CHD2: variants seen among roughly 807,000 people sequenced by gnomAD.
The protein encoded by CHD2 is chromodomain helicase DNA binding protein 2.
Under a neutral mutation model 243.9 loss-of-function variants are expected in CHD2, and 28 were observed. The observed-to-expected ratio is 0.11, with a 90% CI of 0.09 to 0.16. The LOEUF (loss-of-function observed/expected upper bound fraction) is 0.16. Among genes scored for constraint, CHD2 ranks in the 10% least tolerant of loss-of-function variants. CHD2 has a pLI of 1.00. For missense variants in CHD2, 1,386 were observed against 2,209.8 expected, an observed-to-expected ratio of 0.63 and a Z score of 7.47; for synonymous variants, 775 against 779.0, an observed-to-expected ratio of 0.99 and a Z score of 0.09.
At position 93,002,242 on chromosome 15, in the gene CHD2, G is replaced by A; in HGVS notation, c.4203G>A (p.Lys1401=). ...AGAAGAAAGAGAACAAGGAGAACAA[G>A]GAGAAACAAATGAGTTCTAGGAAAG... The part of the protein sequence containing the change: ...KQKKKENKEN[K]EKQMSSRKDK... Residue 1401 remains lysine (K), a synonymous_variant, in exon 33 of 39, where the codon AAG becomes AAA. Coordinates refer to ENST00000394196, the MANE Select transcript of CHD2 (RefSeq NM_001271.4). 5.0e-6 allele frequency: 8 copies of A among 1,601,490 alleles called. No individual in the cohort carries two copies. The highest frequency in any genetic ancestry group is 6.8e-6 in the Non-Finnish European group (8 of 1,173,422).
chr15:92,901,557 CT>C, intron 2 of CHD2: 1 of 515,598 alleles, frequency 1.9e-6, no homozygotes, highest in Non-Finnish European at 3.4e-6. Flanking sequence ...TCAAAGGGGC[CT>C]TTACTGTAAT....
rs575301822 is a variant in CHD2, at chr15:93,023,822, A to G, written c.5154-550A>G. On this transcript the variant is annotated intron_variant, in intron 38 of 38. Transcript: ENST00000394196. ...CCATTTGTATAGCTTCTTTGGAGAA[A>G]TGTCTGTTCAAATCCTTTGCCTGTT... Among the ~76,000 whole-genome samples the G allele has an allele frequency of 2.0e-5, 3 of 151,976 alleles. No individual in the cohort carries two copies. The South Asian group carries it at 6.2e-4, about 32-fold the overall frequency.
chr15:92,940,747 G>A (rs1228120825), intron 7 of CHD2, among the ~76,000 whole-genome samples: 3 of 140,370 alleles, frequency 2.1e-5, no homozygotes, highest in African/African-American at 7.9e-5. Context: ...TATGTGATAG[G>A]AAGTTACATA....
chr15:92,966,435 G>A (rs1891315363), intron 16 of CHD2, among the ~76,000 whole-genome samples: 1 of 152,076 alleles, frequency 6.6e-6, no homozygotes, highest in South Asian at 2.1e-4. Context: ...TGTTCTTGGA[G>A]TATTTGCTTA....
Position 93,009,136 on chromosome 15 carries a change from C to G in CHD2, c.4414-9C>G. On this transcript the variant is annotated splice_polypyrimidine_tract_variant and intron_variant, in intron 34 of 38. Transcript: ENST00000394196. Reference sequence around the variant, plus strand: ...TTGTTTATGTCTTTACTCTGTTGTCCTGTTGCAGTGTAAGGAGAGGATGAG... The same window carrying G: ...TTGTTTATGTCTTTACTCTGTTGTCGTGTTGCAGTGTAAGGAGAGGATGAG... 6.2e-7 allele frequency: 1 copy of G among 1,613,536 alleles called. No individual in the cohort carries two copies. The highest frequency in any genetic ancestry group is 8.5e-7 in the Non-Finnish European group (1 of 1,179,658).
intron 16 of CHD2, among the ~76,000 whole-genome samples, chr15:92,966,088 C>CA (rs2053759483): frequency 7.4e-6 from 1 of 134,780 alleles, no homozygotes; most frequent in African/African-American, 2.8e-5. Context: ...TTTTTTGAGA[C>CA]AGAGTCTCAC....
chr15:92,967,020 C>G (rs753999695), intron 16 of CHD2, among the ~76,000 whole-genome samples: 3 of 152,010 alleles, frequency 2.0e-5, no homozygotes, highest in Non-Finnish European at 1.5e-5. Flanking sequence ...GACGTTCCAT[C>G]TTACCAGAGG....
intron 16 of CHD2, among the ~76,000 whole-genome samples, chr15:92,961,824 C>G (rs922324102): frequency 2.0e-5 from 3 of 148,348 alleles, no homozygotes; most frequent in African/African-American, 7.4e-5. Context: ...TTTTGATGCT[C>G]TCAAAGAAGC....
chr15:92,927,182 C>A, intron 3 of CHD2, 62 bp from the exon 4 acceptor site: 3 of 1,174,222 alleles, frequency 2.6e-6, no homozygotes, highest in Non-Finnish European at 3.8e-6. Flanking sequence ...TTGCAATAAA[C>A]GTTTGATAAT....
intron 5 of CHD2, among the ~76,000 whole-genome samples, chr15:92,930,994 T>G (rs1002020037): frequency 2.0e-5 from 3 of 152,198 alleles, no homozygotes; most frequent in African/African-American, 7.2e-5. Flanking sequence ...GCTCTTCTCC[T>G]GAGTCACCAG....
chr15:92,911,633 G>A (rs1185476748), intron 2 of CHD2, among the ~76,000 whole-genome samples: 3 of 152,104 alleles, frequency 2.0e-5, no homozygotes, highest in Non-Finnish European at 4.4e-5. Flanking sequence ...GGCTATTAGG[G>A]AGGCTGAGGC....
chr15:92,903,786 T>G (rs1233280695), intron 2 of CHD2, among the ~76,000 whole-genome samples: 3 of 152,204 alleles, frequency 2.0e-5, no homozygotes, highest in Non-Finnish European at 2.9e-5. Context: ...CGTTAGCAAT[T>G]TATCTTAAGA....
At chr15:93,017,544 A>C (rs1326030293) in intron 37 of CHD2, among the ~76,000 whole-genome samples, 1 of 124,904 alleles carries the variant, frequency 8.0e-6, no homozygotes, top group Non-Finnish European at 1.6e-5. Flanking sequence ...ACAGGGTCTC[A>C]CCATGTTGGC....
At chr15:93,009,093 A>C (rs1355702684) in intron 34 of CHD2, 52 bp from the exon 35 acceptor site, 1 of 1,585,604 alleles carries the variant, frequency 6.3e-7, no homozygotes, top group East Asian at 2.3e-5. Context: ...GCAAAGGACA[A>C]GACTTACTTT....
At chr15:93,013,066 G>A (rs949024675) in intron 36 of CHD2, among the ~76,000 whole-genome samples, 8 of 152,222 alleles carry the variant, frequency 5.3e-5, no homozygotes, top group African/African-American at 1.7e-4. Context: ...TGAAGACAGA[G>A]ATTTTATGTC....
At chr15:92,942,388 A>T (rs2053396261) in intron 8 of CHD2, among the ~76,000 whole-genome samples, 2 of 151,384 alleles carry the variant, frequency 1.3e-5, no homozygotes. Context: ...AATAATACTT[A>T]ATGCTTTTTC....
chr15:92,911,618 A>G (rs1188037980), intron 2 of CHD2, among the ~76,000 whole-genome samples: 1 of 152,010 alleles, frequency 6.6e-6, no homozygotes, highest in African/African-American at 2.4e-5. Flanking sequence ...CACTCCTGTA[A>G]TACCGGCTAT....
chr15:92,983,404 A>G (rs2054003903), intron 24 of CHD2, among the ~76,000 whole-genome samples: 1 of 152,206 alleles, frequency 6.6e-6, no homozygotes, highest in South Asian at 2.1e-4. Flanking sequence ...TATTTACATC[A>G]ATCTTAATTT....
intron 18 of CHD2, 38 bp downstream of exon 18, chr15:92,971,965 G>A (rs1362399246): frequency 1.0e-5 from 16 of 1,577,166 alleles, no homozygotes; most frequent in Admixed American, 1.9e-5. Flanking sequence ...CAAAAAAAAC[G>A]CTTAGTTTCT....
Sources: allele counts gnomAD v4.1 joint callset (sites outside exome capture counted in the v4.1 genomes callset), GRCh38; gene constraint gnomAD v4.1.1; transcripts MANE v1.5; gene names NCBI Gene and HGNC (gene_info 2026-07-23, HGNC 2026-07-21).